The following PCCA variants were observed in gnomAD, a reference collection of about 807,000 sequenced individuals.
PCCA encodes propionyl-CoA carboxylase alpha chain, mitochondrial.
PCCA carries 74 observed loss-of-function variants against 101.3 expected under a neutral mutation model. The observed-to-expected ratio is 0.73, with a 90% CI of 0.61 to 0.89. The LOEUF is 0.89. Among genes scored for constraint, PCCA ranks in the 40% least tolerant of loss-of-function variants. The probability of loss-of-function intolerance (pLI) is 0.00; values close to 1 mark genes in which losing one functional copy is unlikely to be tolerated. For synonymous variants in PCCA, 294 were observed against 313.6 expected (o/e 0.94, Z 0.66); for missense variants, 891 against 907.0 (o/e 0.98, Z 0.23).
intron 20 of PCCA, among the ~76,000 whole-genome samples, chr13:100,437,247 C>T (rs578216582): frequency 1.2e-4 from 19 of 152,166 alleles, no homozygotes; most frequent in Non-Finnish European, 1.9e-4. Context: ...GCTTTAAGTA[C>T]GCTGCCTTTC....
chr13:100,213,958 G>A (rs1000782991), intron 7 of PCCA, among the ~76,000 whole-genome samples: 4 of 152,144 alleles, frequency 2.6e-5, no homozygotes, highest in African/African-American at 9.7e-5. Flanking sequence ...TGGTTATCCG[G>A]TTCTCCGAGC....
chr13:100,200,094 T>C (rs1211369289), intron 6 of PCCA, among the ~76,000 whole-genome samples: 1 of 152,044 alleles, frequency 6.6e-6, no homozygotes, highest in Non-Finnish European at 1.5e-5. Flanking sequence ...TCCAACTCTT[T>C]ATTTTTATTT....
At chr13:100,376,853 GA>G (rs1202420426) in intron 19 of PCCA, among the ~76,000 whole-genome samples, 2 of 151,970 alleles carry the variant, frequency 1.3e-5, no homozygotes, top group Non-Finnish European at 2.9e-5. Flanking sequence ...ACTGGGGTAT[GA>G]AAAAAAACTC....
chr13:100,191,775 G>A (rs536827307), intron 6 of PCCA, among the ~76,000 whole-genome samples: 3 of 152,304 alleles, frequency 2.0e-5, no homozygotes, highest in South Asian at 2.1e-4. Flanking sequence ...AGGAAGTCAC[G>A]CTGGCTGCTA....
chr13:100,105,854 A>AAAAAAAAAAAAAAAAAAAAAAAAG (rs2047728500), intron 2 of PCCA, among the ~76,000 whole-genome samples: 1 of 49,640 alleles, frequency 2.0e-5, no homozygotes, highest in Non-Finnish European at 3.6e-5. Context: ...CAAAAAAAAA[A>AAAAAAAAAAAAAAAAAAAAAAAAG]AAAAAAAAAA....
intron 4 of PCCA, among the ~76,000 whole-genome samples, chr13:100,147,906 C>T (rs919347311): frequency 6.6e-6 from 1 of 151,830 alleles, no homozygotes; most frequent in Non-Finnish European, 1.5e-5. Context: ...ATCTGTATAA[C>T]ATAAAGTTTA....
At chr13:100,410,768 T>C (rs1595796984) in intron 19 of PCCA, among the ~76,000 whole-genome samples, 2 of 152,294 alleles carry the variant, frequency 1.3e-5, no homozygotes, top group Non-Finnish European at 2.9e-5. Flanking sequence ...CTCTTTTTTT[T>C]CCCCAAGAGA....
At chr13:100,231,390 G>C (rs2060463707) in intron 7 of PCCA, among the ~76,000 whole-genome samples, 1 of 151,836 alleles carries the variant, frequency 6.6e-6, no homozygotes, top group Non-Finnish European at 1.5e-5. Flanking sequence ...TGGGCTGCAG[G>C]GTAAGATGCA....
In PCCA at chr13:100,502,268, A is replaced by T. The variant is rs540072197; in HGVS notation, c.1900-13159A>T. On this transcript the variant is annotated intron_variant, in intron 21 of 23. Transcript: ENST00000376285. ...GGAAGTCTAGCTTCTAAGCCTGTGA[A>T]ACAGAGGCCCAGCCCCCTGATCCAG... Among the ~76,000 whole-genome samples, 4 of 152,280 alleles carry T rather than the reference A, an allele frequency of 2.6e-5. No individual in the cohort carries two copies. The East Asian group carries it at 7.7e-4, about 29-fold the overall frequency.
At chr13:100,395,660 T>C (rs1374162869) in intron 19 of PCCA, among the ~76,000 whole-genome samples, 1 of 152,242 alleles carries the variant, frequency 6.6e-6, no homozygotes, top group East Asian at 1.9e-4. Context: ...AAATTATGGA[T>C]GTGATTTAAA....
rs151094201 is a variant in PCCA, at chr13:100,457,939, T to G, written c.1899+8634T>G. On this transcript the variant is annotated intron_variant, in intron 21 of 23. Transcript: ENST00000376285. Reference sequence around the variant, plus strand: ...AAGAGTGGCAGTGAGCACTGCTACTTGCAAGCTGTAGTAGACTGGGATCTC... The same window carrying G: ...AAGAGTGGCAGTGAGCACTGCTACTGGCAAGCTGTAGTAGACTGGGATCTC... 8.3e-3 allele frequency among the ~76,000 whole-genome samples: 1,258 copies of G among 152,242 alleles called. 7 individuals carry two copies. Among genetic ancestry groups the G allele is most frequent in the Non-Finnish European group, 0.011 (760 of 68,014 alleles).
intron 18 of PCCA, among the ~76,000 whole-genome samples, chr13:100,363,813 A>C (rs1016199258): frequency 6.6e-6 from 1 of 152,172 alleles, no homozygotes; most frequent in South Asian, 2.1e-4. Context: ...GAGAGTTTTT[A>C]TGTTTATACA....
At chr13:100,260,677 G>A (rs2062435421) in intron 9 of PCCA, among the ~76,000 whole-genome samples, 1 of 152,072 alleles carries the variant, frequency 6.6e-6, no homozygotes, top group African/African-American at 2.4e-5. Context: ...GATTACAGGT[G>A]TGAGCCACTG....
At chr13:100,443,199 T>G (rs1386072538) in intron 20 of PCCA, among the ~76,000 whole-genome samples, 3 of 151,892 alleles carry the variant, frequency 2.0e-5, no homozygotes, top group Non-Finnish European at 4.4e-5. Flanking sequence ...ACAACTTGAG[T>G]GGTTATTACA....
At chr13:100,226,014 A>G (rs111267551) in intron 7 of PCCA, among the ~76,000 whole-genome samples, 3,466 of 151,934 alleles carry the variant, frequency 0.023, 142 homozygotes, top group African/African-American at 0.08. Context: ...CTTGTCTGGA[A>G]CTCCTGGTCT....
At chr13:100,257,276 G>A (rs2062136610) in intron 8 of PCCA, among the ~76,000 whole-genome samples, 1 of 152,084 alleles carries the variant, frequency 6.6e-6, no homozygotes, top group African/African-American at 2.4e-5. Flanking sequence ...TTATATCTTT[G>A]ATTACTTAAT....
At chr13:100,490,150 T>C (rs1447157331) in intron 21 of PCCA, 1 of 152,214 alleles carries the variant, frequency 6.6e-6, no homozygotes, top group African/African-American at 2.4e-5. Flanking sequence ...TCATTGCTTA[T>C]TGAAATAGAG....
chr13:100,303,623 A>G (rs2066235611), intron 14 of PCCA, among the ~76,000 whole-genome samples: 1 of 152,052 alleles, frequency 6.6e-6, no homozygotes, highest in African/African-American at 2.4e-5. Flanking sequence ...GTGCATATAT[A>G]TATATATATA....
rs1185485193 is a variant in PCCA, at chr13:100,422,065, TTTTCTTTTCTTTCTTTCTTTCTTTC to T, written c.1747-3560_1747-3536del. Among the ~76,000 whole-genome samples the T allele has an allele frequency of 2.8e-3, 169 of 59,408 alleles. 7 individuals carry two copies. In the South Asian group the frequency reaches 0.054, roughly 19 times the overall value. The allele number at this position is 59,408 out of a possible 152,430, so 39.0% of individuals were successfully genotyped here. ...TTCTTTCTTTTCCTTTTCTCTTCTC[TTTTCTTTTCTTTCTTTCTTTCTTTC>T]TTTCTTTCTTTCTTTCTTTCTTTCT... On this transcript the variant is annotated intron_variant, in intron 19 of 23. Transcript: ENST00000376285.
Sources: allele counts gnomAD v4.1 joint callset (sites outside exome capture counted in the v4.1 genomes callset), GRCh38; gene constraint gnomAD v4.1.1; transcripts MANE v1.5; gene names NCBI Gene and HGNC (gene_info 2026-07-23, HGNC 2026-07-21).